SRSF4: variants seen among roughly 807,000 people sequenced by gnomAD.
SRSF4 encodes serine and arginine rich splicing factor 4.
Under a neutral mutation model 48.8 loss-of-function variants are expected in SRSF4, and 12 were observed. The observed-to-expected ratio is 0.25, with a 90% CI of 0.16 to 0.40. SRSF4 has a LOEUF of 0.40. SRSF4 is among the 10% of genes least tolerant of loss of function. SRSF4 has a pLI of 1.00. For synonymous variants in SRSF4, 248 were observed against 232.5 expected (o/e 1.07, Z -0.61); for missense variants, 466 against 667.1 (o/e 0.70, Z 3.32).
intron 1 of SRSF4, among the ~76,000 whole-genome samples, chr1:29,180,825 CAAGT>C (rs1480915704): frequency 6.6e-6 from 1 of 152,180 alleles, no homozygotes; most frequent in Non-Finnish European, 1.5e-5. Context: ...ATTAAGAATA[CAAGT>C]AATAGATCAT....
At chr1:29,168,176 G>A (rs1171996972) in intron 1 of SRSF4, among the ~76,000 whole-genome samples, 2 of 148,390 alleles carry the variant, frequency 1.3e-5, no homozygotes, top group East Asian at 3.9e-4. Context: ...CACCATGCCC[G>A]GCAAATTTTT....
chr1:29,154,975 C>G, intron 3 of SRSF4, 65 bp from the exon 4 acceptor site: 1 of 1,444,296 alleles, frequency 6.9e-7, no homozygotes, highest in Non-Finnish European at 9.5e-7. Flanking sequence ...ATGCAATCAT[C>G]TGAGTGAATT....
chr1:29,152,497 A>G (rs536671525), intron 4 of SRSF4, among the ~76,000 whole-genome samples: 17 of 152,272 alleles, frequency 1.1e-4, no homozygotes, highest in East Asian at 3.9e-4. Context: ...AATGGTCAGT[A>G]TATCTGGTCC....
At position 29,149,114 on chromosome 1, in the gene SRSF4, T is replaced by C; in HGVS notation, c.781A>G (p.Ser261Gly). Reference protein sequence around the residue: ...SKEKSRSRSHSAGKSRSKSKD... With the variant: ...SKEKSRSRSHGAGKSRSKSKD... ...CTCTTGCTGCGGCTCTTGCCAGCGC[T>C]ATGGCTGCGGCTGCGGCTCTTTTCC... The change falls in exon 6 of 6, where the codon AGC becomes GGC. Residue 261 changes from serine (S) to glycine (G), a missense_variant. Physicochemically the swap from Ser to Gly is moderately conservative, Grantham distance 56. This residue lies in a region of SRSF4 where 402 missense variants were observed against 437.0 expected (regional missense o/e 0.92). Coordinates refer to ENST00000373795, the MANE Select transcript of SRSF4 (RefSeq NM_005626.5). The C allele has an allele frequency of 1.9e-6, 3 of 1,611,196 alleles. No homozygotes were observed. Among genetic ancestry groups the C allele is most frequent in the Non-Finnish European group, 2.5e-6 (3 of 1,177,858 alleles).
rs1162251232 is a variant in SRSF4, at chr1:29,148,284, A to G, written c.*126T>C. The G allele has an allele frequency of 2.3e-6, 3 of 1,305,160 alleles. No individual in the cohort carries two copies. Among genetic ancestry groups the G allele is most frequent in the Non-Finnish European group, 3.3e-6 (3 of 923,026 alleles). The allele number at this position is 1,305,160 out of a possible 1,614,324, so 80.8% of individuals were successfully genotyped here. On this transcript the variant is annotated 3_prime_UTR_variant, in exon 6 of 6. Coordinates refer to ENST00000373795, the MANE Select transcript of SRSF4 (RefSeq NM_005626.5). ...GAGGAAGCACTTAGATTTAACAATTATAGACACACCATTAGGGGAGTTAAA... is the reference window on the plus strand; with the variant it reads ...GAGGAAGCACTTAGATTTAACAATTGTAGACACACCATTAGGGGAGTTAAA...
chr1:29,151,393 A>G (rs1271715743), intron 4 of SRSF4, among the ~76,000 whole-genome samples: 1 of 152,218 alleles, frequency 6.6e-6, no homozygotes, highest in Admixed American at 6.5e-5. Flanking sequence ...GCTACTTGGG[A>G]GGCTGAGGCA....
At chr1:29,166,187 G>A (rs1010618512) in intron 1 of SRSF4, 4 of 152,160 alleles carry the variant, frequency 2.6e-5, no homozygotes, top group Admixed American at 2.6e-4. Flanking sequence ...TGAAAGAAAT[G>A]GCATTCAGTG....
At chr1:29,172,863 C>G (rs1553323858) in intron 1 of SRSF4, 1 of 149,364 alleles carries the variant, frequency 6.7e-6, no homozygotes, top group Non-Finnish European at 1.5e-5. Flanking sequence ...ATTAGGAGAC[C>G]AAAAAAAAGG....
At chr1:29,160,952 C>G (rs1247988089) in intron 1 of SRSF4, among the ~76,000 whole-genome samples, 1 of 152,222 alleles carries the variant, frequency 6.6e-6, no homozygotes, top group Non-Finnish European at 1.5e-5. Flanking sequence ...TGTGTAATAA[C>G]TGTTGAATCA....
intron 3 of SRSF4, among the ~76,000 whole-genome samples, chr1:29,158,777 A>G (rs1284090010): frequency 2.0e-5 from 3 of 152,148 alleles, no homozygotes; most frequent in Non-Finnish European, 4.4e-5. Context: ...CCAATCTCTG[A>G]GCCATGATTG....
chr1:29,167,151 T>C (rs1467017035), intron 1 of SRSF4, among the ~76,000 whole-genome samples: 3 of 152,248 alleles, frequency 2.0e-5, no homozygotes, highest in African/African-American at 4.8e-5. Context: ...TCTTTTGCAT[T>C]GTGTCAGGAA....
chr1:29,181,562 G>A (rs1672958242), intron 1 of SRSF4, 84 bp downstream of exon 1: 1 of 1,227,266 alleles, frequency 8.1e-7, no homozygotes, highest in Admixed American at 2.4e-5. Context: ...GCGCGGACCA[G>A]GCGTCCCTCT....
chr1:29,149,124 G>A lies in SRSF4; in HGVS notation c.771C>T (p.Ser257=). Residue 257 remains serine, a synonymous_variant, in exon 6 of 6, where the codon AGC becomes AGT. Coordinates refer to ENST00000373795, the MANE Select transcript of SRSF4 (RefSeq NM_005626.5). Reference sequence around the variant, plus strand: ...GGCTCTTGCCAGCGCTATGGCTGCGGCTGCGGCTCTTTTCCTTGCTGGGGC... The same window carrying A: ...GGCTCTTGCCAGCGCTATGGCTGCGACTGCGGCTCTTTTCCTTGCTGGGGC... ...SRSPSKEKSR[S]RSHSAGKSRS... 1 of 1,609,642 alleles carries A rather than the reference G, an allele frequency of 6.2e-7. No homozygotes were observed. Among genetic ancestry groups the A allele is most frequent in the Non-Finnish European group, 8.5e-7 (1 of 1,177,248 alleles).
At chr1:29,176,895 T>A (rs1268101315) in intron 1 of SRSF4, among the ~76,000 whole-genome samples, 3 of 152,204 alleles carry the variant, frequency 2.0e-5, no homozygotes, top group Non-Finnish European at 4.4e-5. Flanking sequence ...AATCCAAGTT[T>A]CCCTTGAGAG....
rs1457029451 is a variant in SRSF4, at chr1:29,148,246, G to A, written c.*164C>T. On this transcript the variant is annotated 3_prime_UTR_variant, in exon 6 of 6. Transcript: ENST00000373795. ...GTCGAGCAGGAAGGCCTGGTGCCAGGAGGCTTTACTGAGAGGAAGCACTTA... is the reference window on the plus strand; with the variant it reads ...GTCGAGCAGGAAGGCCTGGTGCCAGAAGGCTTTACTGAGAGGAAGCACTTA... 2.0e-6 allele frequency: 2 copies of A among 1,024,862 alleles called. No homozygotes were observed. The highest frequency in any genetic ancestry group is 3.0e-6 in the Non-Finnish European group (2 of 676,428). The allele number at this position is 1,024,862 out of a possible 1,614,324, so 63.5% of individuals were successfully genotyped here.
At chr1:29,174,980 T>C (rs1343398669) in intron 1 of SRSF4, among the ~76,000 whole-genome samples, 2 of 143,462 alleles carry the variant, frequency 1.4e-5, no homozygotes, top group African/African-American at 5.1e-5. Flanking sequence ...CCGGTGGGTT[T>C]TTTAATTAAA....
chr1:29,181,460 C>G (rs1373665619), intron 1 of SRSF4, among the ~76,000 whole-genome samples, 186 bp downstream of exon 1: 1 of 152,200 alleles, frequency 6.6e-6, no homozygotes, highest in Non-Finnish European at 1.5e-5. Flanking sequence ...TCCACCACCC[C>G]CACCCGCGCA....
Position 29,181,681 on chromosome 1 carries a change from G to T in SRSF4, c.72C>A (p.Gly24=). 1 of 1,597,490 alleles carries T rather than the reference G, an allele frequency of 6.3e-7. No individual in the cohort carries two copies. Residue 24 remains glycine, a synonymous_variant, in exon 1 of 6, where the codon GGC becomes GGA. Coordinates refer to ENST00000373795, the MANE Select transcript of SRSF4 (RefSeq NM_005626.5). ...GATCCACCTCCAGGATCTTCCCGTAGCCCTTAAAGAAGCGCTCCACATCGC... is the reference window on the plus strand; with the variant it reads ...GATCCACCTCCAGGATCTTCCCGTATCCCTTAAAGAAGCGCTCCACATCGC... ...RERDVERFFK[G]YGKILEVDLK...
intron 2 of SRSF4, chr1:29,160,172 T>C: frequency 1.7e-6 from 1 of 574,948 alleles, no homozygotes; most frequent in Non-Finnish European, 2.8e-6. Flanking sequence ...TAAAGTATTA[T>C]AAACAAGAAA....
Sources: allele counts gnomAD v4.1 joint callset (sites outside exome capture counted in the v4.1 genomes callset), GRCh38; gene constraint gnomAD v4.1.1; regional missense constraint gnomAD v4.1.1; transcripts MANE v1.5; gene names NCBI Gene and HGNC (gene_info 2026-07-23, HGNC 2026-07-21).